The following PARVB variants were observed in gnomAD, a reference collection of about 807,000 sequenced individuals.
PARVB encodes beta-parvin.
PARVB carries 46 observed loss-of-function variants against 47.0 expected under a neutral mutation model. The observed-to-expected ratio is 0.98, with a 90% CI of 0.77 to 1.25. The LOEUF is 1.25. Ranked by LOEUF, PARVB falls within the 50% of genes most tolerant of loss-of-function variation. The pLI is 0.00. For synonymous variants in PARVB, 196 were observed against 196.3 expected (o/e 1.00, Z 0.01); for missense variants, 473 against 471.6 (o/e 1.00, Z -0.03).
intron 11 of PARVB, 78 bp from the exon 12 acceptor site, chr22:44,163,780 C>T (rs1230157852): frequency 1.5e-5 from 19 of 1,249,956 alleles, no homozygotes; most frequent in South Asian, 5.5e-5. Flanking sequence ...CTGTCCATGC[C>T]GGCTGTCCTC....
chr22:44,131,480 A>G lies in PARVB; in HGVS notation c.377-7A>G. The G allele has an allele frequency of 1.9e-6, 3 of 1,613,390 alleles. No individual in the cohort carries two copies. The highest frequency in any genetic ancestry group is 2.5e-6 in the Non-Finnish European group (3 of 1,179,688). On this transcript the variant is annotated splice_region_variant and splice_polypyrimidine_tract_variant and intron_variant, in intron 4 of 12. Coordinates refer to ENST00000338758, the MANE Select transcript of PARVB (RefSeq NM_013327.5). ...CTGACCCTCTTCTCTTGTGCTTCTC[A>G]TTGCAGAAAAACTGGCAGGGTGCAA...
At chr22:44,168,472 A>G (rs1601715965) in intron 12 of PARVB, 130 bp from the exon 13 acceptor site, 1 of 677,576 alleles carries the variant, frequency 1.5e-6, no homozygotes, top group Non-Finnish European at 2.7e-6. Context: ...GGTGGTGGCC[A>G]GTCTTTAAGG....
intron 4 of PARVB, among the ~76,000 whole-genome samples, chr22:44,122,854 T>A (rs1327528387): frequency 1.3e-5 from 2 of 152,258 alleles, no homozygotes; most frequent in Non-Finnish European, 2.9e-5. Context: ...ATGGCTGCAT[T>A]GTACTCCACT....
rs1253607820 is a variant in PARVB at position 44,132,990 on chromosome 22, T to C, written c.614T>C (p.Val205Ala). The change falls in exon 6 of 13, where the codon GTG becomes GCG. Residue 205 changes from valine to alanine, a missense_variant. Val to Ala is a moderately conservative substitution (Grantham distance 64, BLOSUM62 0). Transcript: ENST00000338758. Reference sequence around the variant, plus strand: ...ATCCGCCTTCCTGAGCATGTAACGGTGCAGGTGGTGGTCGTGCGGGTGAGT... The same window carrying C: ...ATCCGCCTTCCTGAGCATGTAACGGCGCAGGTGGTGGTCGTGCGGGTGAGT... ...APIRLPEHVT[V>A]QVVVVRKREG... is the part of the protein sequence containing the mutation. 1.9e-6 allele frequency: 3 copies of C among 1,613,616 alleles called. No homozygotes were observed. Among genetic ancestry groups the C allele is most frequent in the Non-Finnish European group, 2.5e-6 (3 of 1,179,764 alleles).
chr22:44,093,965 C>G lies in PARVB; in HGVS notation c.150C>G (p.Asn50Lys). The G allele has an allele frequency of 6.2e-7, 1 of 1,613,852 alleles. No individual in the cohort carries two copies. Among genetic ancestry groups the G allele is most frequent in the Non-Finnish European group, 8.5e-7 (1 of 1,179,742 alleles). ...AGGAAGAAGGCAAGAATGCCATCAA[C>G]TCACCGATGTCCCCCGCCCTGGTGG... ...DLQEEGKNAINSPMSPALVDV... is the reference protein window; with the variant it reads ...DLQEEGKNAIKSPMSPALVDV... Residue 50 changes from asparagine to lysine, a missense_variant, in exon 2 of 13, where the codon AAC (asparagine) becomes AAG (lysine). Transcript: ENST00000338758.
chr22:44,099,135 T>C (rs929392369), intron 2 of PARVB, among the ~76,000 whole-genome samples: 1 of 152,180 alleles, frequency 6.6e-6, no homozygotes, highest in Non-Finnish European at 1.5e-5. Flanking sequence ...GTGCCTTTTT[T>C]CCTCTTTAAG....
chr22:44,055,817 C>T (rs911219598), intron 1 of PARVB, among the ~76,000 whole-genome samples: 7 of 152,194 alleles, frequency 4.6e-5, no homozygotes, highest in African/African-American at 1.7e-4. Flanking sequence ...AGACCCACGT[C>T]CCAGCTGAGT....
At chr22:44,069,166 A>G in intron 1 of PARVB, 1 of 1,611,552 alleles carries the variant, frequency 6.2e-7, no homozygotes. Context: ...CTCGCCAGTG[A>G]GTTCTGTTGC....
At chr22:44,012,611 T>C (rs1303865137) in intron 2 of PARVB, among the ~76,000 whole-genome samples, 1 of 152,162 alleles carries the variant, frequency 6.6e-6, no homozygotes, top group Non-Finnish European at 1.5e-5. Flanking sequence ...GCCTCAAAAG[T>C]ATAACCTGGG....
rs188815259 is a variant in PARVB at position 44,084,040 on chromosome 22, C to G, written c.113-9888C>G. 2.2e-4 allele frequency among the ~76,000 whole-genome samples: 34 copies of G among 152,330 alleles called. 1 individual carries two copies. In the East Asian group the frequency reaches 6.6e-3, roughly 29 times the overall value. On this transcript the variant is annotated intron_variant, in intron 1 of 12. Coordinates refer to ENST00000338758, the MANE Select transcript of PARVB (RefSeq NM_013327.5). The stretch of plus-strand genomic sequence containing the variant: ...TTGCTAGATCCTAGATTCTGTTCTC[C>G]CCTTCCCCGAGCTCTTTCGATCTGG...
chr22:44,115,701 C>G lies in PARVB; in HGVS notation c.274-3337C>G, dbSNP rs1230840377. The G allele has an allele frequency of 5.4e-5, 4 of 73,646 alleles. 1 individual carries two copies. Among genetic ancestry groups the G allele is most frequent in the Non-Finnish European group, 9.9e-5 (4 of 40,266 alleles). The allele number at this position is 73,646 out of a possible 1,614,324, so 4.6% of individuals were successfully genotyped here. On this transcript the variant is annotated intron_variant, in intron 3 of 12. Coordinates refer to ENST00000338758, the MANE Select transcript of PARVB (RefSeq NM_013327.5). Reference sequence around the variant, plus strand: ...GTAAGGCCCTGCACCAACACAGATACATTGTTACTAACTAAGGCCCTACAG... The same window carrying G: ...GTAAGGCCCTGCACCAACACAGATAGATTGTTACTAACTAAGGCCCTACAG...
At chr22:44,130,266 T>C (rs185445405) in intron 4 of PARVB, among the ~76,000 whole-genome samples, 443 of 152,350 alleles carry the variant, frequency 2.9e-3, no homozygotes, top group Non-Finnish European at 4.9e-3. Context: ...CTCTGTGACG[T>C]CGCTTTTGTT....
At chr22:44,086,633 A>T (rs1388073913) in intron 1 of PARVB, 2 of 450,990 alleles carry the variant, frequency 4.4e-6, no homozygotes, top group Non-Finnish European at 2.9e-6. Flanking sequence ...GCCGAGGCTG[A>T]TGATGTTTTT....
At chr22:44,096,984 C>A (rs554395691) in intron 2 of PARVB, among the ~76,000 whole-genome samples, 2 of 152,250 alleles carry the variant, frequency 1.3e-5, no homozygotes, top group South Asian at 2.1e-4. Flanking sequence ...CCGGCACCCC[C>A]TGGATGGAGC....
Position 44,147,829 on chromosome 22 carries a change from G to A in PARVB, c.713-32G>A, listed in dbSNP as rs200341099. 14 of 1,604,796 alleles carry A rather than the reference G, an allele frequency of 8.7e-6. 1 individual carries two copies. Among genetic ancestry groups the A allele is most frequent in the South Asian group, 2.2e-5 (2 of 90,890 alleles). On this transcript the variant is annotated intron_variant, in intron 8 of 12. Transcript: ENST00000338758. ...GGCAGCACCACGGGTTTCCATAAAC[G>A]CTCCTTCGTGTCTCTCTTTGCATGT...
At chr22:44,142,892 T>G (rs1293179940) in intron 8 of PARVB, 1 of 152,260 alleles carries the variant, frequency 6.6e-6, no homozygotes, top group Non-Finnish European at 1.5e-5. Context: ...CGAAGTCTCC[T>G]GGTTACCCAG....
intron 2 of PARVB, among the ~76,000 whole-genome samples, chr22:44,015,876 T>A (rs2050571388): frequency 6.6e-6 from 1 of 152,050 alleles, no homozygotes; most frequent in African/African-American, 2.4e-5. Context: ...TTTAACACCT[T>A]ATACAAATGA....
intron 1 of PARVB, among the ~76,000 whole-genome samples, chr22:44,028,479 G>C (rs1292610105): frequency 6.6e-6 from 1 of 152,078 alleles, no homozygotes; most frequent in Non-Finnish European, 1.5e-5. Context: ...CTCAGGGCTT[G>C]GTAGCTCATT....
intron 1 of PARVB, among the ~76,000 whole-genome samples, chr22:44,082,779 T>G (rs1385897806): frequency 6.6e-6 from 1 of 152,210 alleles, no homozygotes; most frequent in Non-Finnish European, 1.5e-5. Flanking sequence ...AACATTTTCC[T>G]GATCACCCCA....
Sources: gnomAD v4.1 joint callset for allele counts (sites outside exome capture counted in the v4.1 genomes callset) on GRCh38, gnomAD v4.1.1 for gene constraint, MANE v1.5 for transcripts, NCBI Gene and HGNC (gene_info 2026-07-23, HGNC 2026-07-21) for gene names.